MCPH1: variants seen among roughly 807,000 people sequenced by gnomAD.
MCPH1 encodes microcephalin.
A neutral mutation model predicts 84.5 loss-of-function variants in MCPH1; 104 were observed. The observed-to-expected ratio is 1.23, with a 90% confidence interval of 1.05 to 1.45. MCPH1 has a LOEUF of 1.45. Among genes scored for constraint, MCPH1 ranks in the 40% most tolerant of loss-of-function variants. MCPH1 has a pLI of 0.00. For synonymous variants in MCPH1, 514 were observed against 366.8 expected, an observed-to-expected ratio of 1.40 and a Z score of -4.58; for missense variants, 1,498 against 1,005.7, an observed-to-expected ratio of 1.49 and a Z score of -6.62.
rs201822930 is a variant in MCPH1, at chr8:6,439,363, C to CT, written c.580+276dup. On this transcript the variant is annotated intron_variant, in intron 6 of 13. Transcript: ENST00000344683. ...CTATTATCTTTGGAATTTTTTCTTT[C>CT]TTTTTTTTTAAAAAAAAATGAATCA... is the stretch of plus-strand genomic sequence containing the variant. 7.4e-3 allele frequency among the ~76,000 whole-genome samples: 501 copies of CT among 67,934 alleles called. 4 individuals are homozygous for CT. The highest frequency in any genetic ancestry group is 0.02 in the Admixed American group (107 of 5,288). 44.6% of individuals were successfully genotyped at this position (67,934 alleles called of 152,430 possible). A position where few individuals can be genotyped will look rare whatever the true frequency, so the allele number is the denominator to read the frequency against.
intron 12 of MCPH1, among the ~76,000 whole-genome samples, chr8:6,605,284 C>T (rs1016282385): frequency 6.6e-6 from 1 of 152,206 alleles, no homozygotes; most frequent in Admixed American, 6.5e-5. Flanking sequence ...ACTGCCCTTT[C>T]TCTCCTCCCT....
chr8:6,555,067 C>G (rs1488954481), intron 12 of MCPH1, among the ~76,000 whole-genome samples: 1 of 152,104 alleles, frequency 6.6e-6, no homozygotes, highest in Non-Finnish European at 1.5e-5. Context: ...CATTTTAATT[C>G]CAACAAATGG....
chr8:6,626,464 T>G, intron 13 of MCPH1: 1 of 976,620 alleles, frequency 1.0e-6, no homozygotes, highest in Non-Finnish European at 1.2e-6. Flanking sequence ...TTGTTTGGTT[T>G]TTTTGTTTTG....
At chr8:6,474,677 T>G (rs1018631752) in intron 9 of MCPH1, among the ~76,000 whole-genome samples, 10 of 152,198 alleles carry the variant, frequency 6.6e-5, no homozygotes, top group Non-Finnish European at 1.3e-4. Context: ...TGTATAGCTT[T>G]TGTAAGAACA....
chr8:6,574,737 G>A (rs1826931398), intron 12 of MCPH1, among the ~76,000 whole-genome samples: 1 of 152,120 alleles, frequency 6.6e-6, no homozygotes, highest in African/African-American at 2.4e-5. Flanking sequence ...CCAGGTGTAG[G>A]ACAGAGAGAC....
intron 13 of MCPH1, among the ~76,000 whole-genome samples, chr8:6,623,721 ATTG>A (rs1831750860): frequency 1.7e-5 from 2 of 118,878 alleles, no homozygotes; most frequent in Admixed American, 9.1e-5. Context: ...AAAAAAAACT[ATTG>A]ATTTTAGTCA....
Position 6,621,521 on chromosome 8 carries a change from C to G in MCPH1, c.2282C>G (p.Ala761Gly), listed in dbSNP as rs1057090. 15 of 1,613,816 alleles carry G rather than the reference C, an allele frequency of 9.3e-6. No homozygotes were observed. The South Asian group carries it at 9.9e-5, about 11-fold the overall frequency. ...YRGTLFADQP[A>G]MFVSPASSPP... ...GGAACCCTCTTTGCCGACCAGCCAG[C>G]GATGTTTGTCTCGCCTGCCAGCAGC... The change falls in exon 13 of 14, where the codon GCG becomes GGG. Residue 761 changes from alanine to glycine, a missense_variant. Physicochemically the swap from Ala to Gly is moderately conservative, Grantham distance 60. Coordinates refer to ENST00000344683, the MANE Select transcript of MCPH1 (RefSeq NM_024596.5).
At chr8:6,419,898 T>C (rs1298884338) in intron 3 of MCPH1, among the ~76,000 whole-genome samples, 2 of 151,916 alleles carry the variant, frequency 1.3e-5, no homozygotes, top group Non-Finnish European at 2.9e-5. Flanking sequence ...GCTGAAATGA[T>C]TTGCTTTTTC....
chr8:6,505,247 T>TG lies in MCPH1; in HGVS notation c.2214+5318_2214+5319insG, dbSNP rs398006995. ...TTCTTATGTATATATAGAATATATA[T>TG]TCTTTATATATGTTTTATATATATG... On this transcript the variant is annotated intron_variant, in intron 12 of 13. Transcript: ENST00000344683. Among the ~76,000 whole-genome samples the TG allele has an allele frequency of 8.4e-4, 70 of 83,498 alleles. 13 individuals carry two copies. The highest frequency in any genetic ancestry group is 3.1e-3 in the African/African-American group (61 of 19,502). 54.8% of individuals were successfully genotyped at this position (83,498 alleles called of 152,430 possible).
intron 9 of MCPH1, among the ~76,000 whole-genome samples, chr8:6,475,948 T>C (rs1191274673): frequency 6.6e-6 from 1 of 152,012 alleles, no homozygotes; most frequent in Non-Finnish European, 1.5e-5. Context: ...ATCAACCCCA[T>C]TGAGGACTGG....
intron 9 of MCPH1, among the ~76,000 whole-genome samples, chr8:6,463,468 T>TA (rs1360170571): frequency 2.0e-5 from 3 of 152,214 alleles, no homozygotes; most frequent in African/African-American, 7.2e-5. Context: ...CAGAGAGCTC[T>TA]AATCATGTCT....
At chr8:6,538,812 A>G (rs1820975373) in intron 12 of MCPH1, among the ~76,000 whole-genome samples, 1 of 152,248 alleles carries the variant, frequency 6.6e-6, no homozygotes, top group Admixed American at 6.5e-5. Flanking sequence ...ACCATTCTAC[A>G]TATACACCCT....
chr8:6,445,635 A>G (rs1286239245), intron 8 of MCPH1, 88 bp downstream of exon 8: 1 of 1,495,058 alleles, frequency 6.7e-7, no homozygotes, highest in Non-Finnish European at 8.9e-7. Context: ...ACTTTTTCAT[A>G]ACTTATTTCC....
At chr8:6,461,017 A>G (rs1806220007) in intron 9 of MCPH1, among the ~76,000 whole-genome samples, 1 of 152,182 alleles carries the variant, frequency 6.6e-6, no homozygotes, top group Non-Finnish European at 1.5e-5. Flanking sequence ...TTTGGTGTGA[A>G]TGCTTCTCTG....
At chr8:6,558,435 C>A (rs142777443) in intron 12 of MCPH1, among the ~76,000 whole-genome samples, 1 of 152,036 alleles carries the variant, frequency 6.6e-6, no homozygotes, top group Admixed American at 6.6e-5. Context: ...TTTAAATGTA[C>A]AAAATTTCAA....
chr8:6,480,105 CT>C (rs2129559696), intron 10 of MCPH1, among the ~76,000 whole-genome samples: 1 of 151,310 alleles, frequency 6.6e-6, no homozygotes, highest in Non-Finnish European at 1.5e-5. Context: ...GGCCTGGTTC[CT>C]TTTTTTCTTT....
chr8:6,420,354 T>C (rs1322958334), intron 3 of MCPH1, among the ~76,000 whole-genome samples: 3 of 152,196 alleles, frequency 2.0e-5, no homozygotes, highest in Admixed American at 1.3e-4. Context: ...CTACTTTTTA[T>C]GGAGTCTTAA....
intron 3 of MCPH1, among the ~76,000 whole-genome samples, chr8:6,424,499 A>C (rs529847735): frequency 9.8e-4 from 149 of 152,192 alleles, no homozygotes; most frequent in Non-Finnish European, 1.4e-3. Flanking sequence ...TCCTACCAGC[A>C]GCCAGCTCCA....
At chr8:6,549,707 C>T (rs1823275891) in intron 12 of MCPH1, among the ~76,000 whole-genome samples, 1 of 151,512 alleles carries the variant, frequency 6.6e-6, no homozygotes, top group Non-Finnish European at 1.5e-5. Context: ...GCGGTCATTA[C>T]ACAGGTGCGC....
Sources: gnomAD v4.1 joint callset for allele counts (sites outside exome capture counted in the v4.1 genomes callset) on GRCh38, gnomAD v4.1.1 for gene constraint, MANE v1.5 for transcripts, NCBI Gene and HGNC (gene_info 2026-07-23, HGNC 2026-07-21) for gene names.